Variants in KMT2E observed in about 807,000 individuals in gnomAD.
KMT2E encodes lysine methyltransferase 2E (inactive).
Under a neutral mutation model 184.6 loss-of-function variants are expected in KMT2E, and 30 were observed. That is an observed-to-expected ratio of 0.16 (90% CI 0.12 to 0.22). The LOEUF (loss-of-function observed/expected upper bound fraction) is 0.22, where lower values mean the gene tolerates loss of function less well. Among genes scored for constraint, KMT2E ranks in the 10% least tolerant of loss-of-function variants. The pLI, the probability that KMT2E is intolerant of heterozygous loss-of-function variation, is 1.00. For synonymous variants in KMT2E, 815 were observed against 776.5 expected (o/e 1.05, Z -0.82); for missense variants, 2,023 against 2,237.4 (o/e 0.90, Z 1.93).
chr7:105,079,590 C>T (rs1247547998), intron 12 of KMT2E, among the ~76,000 whole-genome samples: 2 of 131,898 alleles, frequency 1.5e-5, no homozygotes, highest in African/African-American at 5.7e-5. Flanking sequence ...GTCATGAGCA[C>T]AGCTCACTAC....
intron 3 of KMT2E, among the ~76,000 whole-genome samples, chr7:105,050,051 A>G (rs933198114): frequency 1.3e-5 from 2 of 152,032 alleles, no homozygotes; most frequent in East Asian, 3.9e-4. Context: ...CAGTTTCTCT[A>G]TTAGATCATT....
intron 13 of KMT2E, among the ~76,000 whole-genome samples, chr7:105,087,580 C>A (rs536729815): frequency 6.6e-6 from 1 of 151,484 alleles, no homozygotes; most frequent in African/African-American, 2.4e-5. Flanking sequence ...CACACTGCCA[C>A]GCCTAGCTAA....
In KMT2E at chr7:105,074,064, G is replaced by A. The variant is rs545470897; in HGVS notation, c.556+387G>A. ...ATAGGAACAGAATTTTCTAACTTCT[G>A]TGTAACATATGCCACAATTTTTATT... On this transcript the variant is annotated intron_variant, in intron 7 of 26. Coordinates refer to ENST00000311117, the MANE Select transcript of KMT2E (RefSeq NM_182931.3). Among the ~76,000 whole-genome samples the A allele has an allele frequency of 1.3e-4, 20 of 152,234 alleles. No homozygotes were observed. The East Asian group carries it at 3.5e-3, about 26-fold the overall frequency.
intron 2 of KMT2E, among the ~76,000 whole-genome samples, chr7:105,039,999 A>T (rs112217493): frequency 1.3e-4 from 19 of 145,804 alleles, no homozygotes; most frequent in African/African-American, 4.5e-4. Context: ...AAATTTGTTT[A>T]AAAAAAAACT....
At chr7:105,038,765 TTCA>T (rs1177814123) in intron 2 of KMT2E, among the ~76,000 whole-genome samples, 7 of 152,186 alleles carry the variant, frequency 4.6e-5, no homozygotes, top group Admixed American at 3.9e-4. Context: ...CCCTAACGAA[TTCA>T]TCATTTTATT....
chr7:105,027,203 T>C (rs1162081411), intron 1 of KMT2E, among the ~76,000 whole-genome samples: 1 of 147,456 alleles, frequency 6.8e-6, no homozygotes, highest in African/African-American at 2.5e-5. Flanking sequence ...CACCTCAGCC[T>C]CCCAAGTAAC....
intron 9 of KMT2E, among the ~76,000 whole-genome samples, chr7:105,076,541 A>C (rs1797532655): frequency 6.6e-6 from 1 of 152,208 alleles, no homozygotes; most frequent in African/African-American, 2.4e-5. Context: ...ATGGTAGCTA[A>C]AAAGTATCTT....
intron 3 of KMT2E, 39 bp downstream of exon 3, chr7:105,041,062 A>C: frequency 7.5e-7 from 1 of 1,327,392 alleles, no homozygotes; most frequent in Non-Finnish European, 1.1e-6. Context: ...AAAAAAAAAA[A>C]AAAACCCTTC....
chr7:105,095,176 C>T (rs895088424), intron 15 of KMT2E, among the ~76,000 whole-genome samples: 1 of 151,918 alleles, frequency 6.6e-6, no homozygotes, highest in Non-Finnish European at 1.5e-5. Context: ...TACAACTCAG[C>T]AATAAGTGAA....
intron 1 of KMT2E, among the ~76,000 whole-genome samples, chr7:105,033,825 C>T (rs1795524771): frequency 2.0e-5 from 3 of 152,072 alleles, no homozygotes; most frequent in Non-Finnish European, 4.4e-5. Context: ...CACTGCTCTG[C>T]AGGCTGGGAA....
At chr7:105,023,831 T>A (rs1795061445) in intron 1 of KMT2E, among the ~76,000 whole-genome samples, 1 of 152,150 alleles carries the variant, frequency 6.6e-6, no homozygotes, top group African/African-American at 2.4e-5. Flanking sequence ...TAATGCTTTT[T>A]AAAAGGGGGT....
Position 105,107,638 on chromosome 7 carries a change from G to A in KMT2E, c.3181G>A (p.Gly1061Ser). The change falls in exon 22 of 27, where the codon GGC becomes AGC. Residue 1061 changes from glycine (G) to serine (S), a missense_variant. Coordinates refer to ENST00000311117, the MANE Select transcript of KMT2E (RefSeq NM_182931.3). Reference protein sequence around the residue: ...SQLDSTHSGRGTMYSSWVKSP... With the variant: ...SQLDSTHSGRSTMYSSWVKSP... ...ACTGGACTCGACTCACTCTGGACGG[G>A]GCACAATGTATTCTTCCTGGGTAAA... is the stretch of plus-strand genomic sequence containing the variant. 1 of 1,614,108 alleles carries A rather than the reference G, an allele frequency of 6.2e-7. No homozygotes were observed. The highest frequency in any genetic ancestry group is 8.5e-7 in the Non-Finnish European group (1 of 1,180,030).
At chr7:105,014,700 T>A (rs1480253139) in intron 1 of KMT2E, among the ~76,000 whole-genome samples, 165 bp downstream of exon 1, 1 of 151,972 alleles carries the variant, frequency 6.6e-6, no homozygotes. Context: ...TAAATCGAAT[T>A]TATTCTTTCT....
intron 17 of KMT2E, chr7:105,103,699 C>T (rs1408335942): frequency 6.6e-6 from 1 of 151,634 alleles, no homozygotes; most frequent in Non-Finnish European, 1.5e-5. Flanking sequence ...AAAATGTTTA[C>T]AGTGGTTACC....
chr7:105,078,984 T>G (rs768511214), intron 12 of KMT2E, 21 bp downstream of exon 12: 2 of 1,279,098 alleles, frequency 1.6e-6, no homozygotes, highest in Admixed American at 1.7e-5. Context: ...AGAAATTTTT[T>G]GGGGAGATGT....
chr7:105,114,965 G>A lies in KMT2E; in HGVS notation c.*1632G>A, dbSNP rs1799544423. On this transcript the variant is annotated 3_prime_UTR_variant, in exon 27 of 27. Coordinates refer to ENST00000311117, the MANE Select transcript of KMT2E (RefSeq NM_182931.3). ...TGGTTTTACATCATCTATCCTGATA[G>A]TTTCAAACAGAATAAAGGTAACTAG... Among the ~76,000 whole-genome samples, 1 of 152,188 alleles carries A rather than the reference G, an allele frequency of 6.6e-6. No homozygotes were observed. The highest frequency in any genetic ancestry group is 2.4e-5 in the African/African-American group (1 of 41,446).
intron 3 of KMT2E, among the ~76,000 whole-genome samples, chr7:105,049,166 C>T (rs1206410852): frequency 6.6e-6 from 1 of 152,134 alleles, no homozygotes; most frequent in East Asian, 1.9e-4. Flanking sequence ...AAGTGCTGGC[C>T]AGGCGTGGTG....
At chr7:105,083,727 C>G (rs1252984603) in intron 13 of KMT2E, among the ~76,000 whole-genome samples, 6 of 152,272 alleles carry the variant, frequency 3.9e-5, no homozygotes, top group East Asian at 3.9e-4. Flanking sequence ...TTTCCCCCCC[C>G]AGAATAGGAC....
intron 1 of KMT2E, among the ~76,000 whole-genome samples, chr7:105,020,952 T>A (rs1794924845): frequency 6.6e-6 from 1 of 152,230 alleles, no homozygotes; most frequent in African/African-American, 2.4e-5. Flanking sequence ...CTTCTAATAT[T>A]TTTGTTTTCT....
Sources: allele counts gnomAD v4.1 joint callset (sites outside exome capture counted in the v4.1 genomes callset), GRCh38; gene constraint gnomAD v4.1.1; transcripts MANE v1.5; gene names NCBI Gene and HGNC (gene_info 2026-07-23, HGNC 2026-07-21).